TMTC1: variants seen among roughly 807,000 people sequenced by gnomAD.
The protein encoded by TMTC1 is protein O-mannosyl-transferase TMTC1.
TMTC1 carries 73 observed loss-of-function variants against 104.8 expected under a neutral mutation model. The observed-to-expected ratio is 0.70, with a 90% CI of 0.58 to 0.85. The LOEUF (loss-of-function observed/expected upper bound fraction) is 0.85. TMTC1 is among the 40% of genes least tolerant of loss of function. The pLI is 0.00. For synonymous variants in TMTC1, 434 were observed against 428.7 expected, an observed-to-expected ratio of 1.01 and a Z score of -0.15; for missense variants, 1,035 against 1,096.1, an observed-to-expected ratio of 0.94 and a Z score of 0.79.
intron 13 of TMTC1, among the ~76,000 whole-genome samples, chr12:29,517,964 C>T (rs1305091919): frequency 2.0e-5 from 3 of 152,170 alleles, no homozygotes; most frequent in Non-Finnish European, 4.4e-5. Flanking sequence ...ATTCGACCAT[C>T]TTGGCCTCCC....
At chr12:29,752,541 A>G (rs1943117228) in intron 4 of TMTC1, among the ~76,000 whole-genome samples, 1 of 152,240 alleles carries the variant, frequency 6.6e-6, no homozygotes. Flanking sequence ...ACGTATTTGC[A>G]CAAGAATATA....
intron 10 of TMTC1, among the ~76,000 whole-genome samples, chr12:29,545,694 C>A (rs1389856825): frequency 1.4e-5 from 2 of 143,842 alleles, no homozygotes; most frequent in African/African-American, 5.5e-5. Flanking sequence ...AACTAAGCCT[C>A]AGCAAAGTTT....
chr12:29,713,132 A>G (rs1941976943), intron 5 of TMTC1, among the ~76,000 whole-genome samples: 1 of 152,028 alleles, frequency 6.6e-6, no homozygotes. Context: ...CCAGACTGCA[A>G]CGTGGAAATG....
At chr12:29,728,764 CAA>C (rs1942469544) in intron 5 of TMTC1, among the ~76,000 whole-genome samples, 1 of 151,012 alleles carries the variant, frequency 6.6e-6, no homozygotes. Flanking sequence ...TTTGGGAGGC[CAA>C]GGGAGGTGGA....
In TMTC1 at chr12:29,577,895, G is replaced by T. The variant is rs146075080; in HGVS notation, c.1418+5512C>A. On this transcript the variant is annotated intron_variant, in intron 8 of 17. Coordinates refer to ENST00000539277, the MANE Select transcript of TMTC1 (RefSeq NM_001193451.2). Reference sequence around the variant, plus strand: ...AATTTAGTCATATTGGCAAAATCCAGGTAAGCGTATTAGTAATGGCTTTAA... The same window carrying T: ...AATTTAGTCATATTGGCAAAATCCATGTAAGCGTATTAGTAATGGCTTTAA... 3.8e-3 allele frequency among the ~76,000 whole-genome samples: 583 copies of T among 152,108 alleles called. 4 individuals carry two copies. The highest frequency in any genetic ancestry group is 0.013 in the African/African-American group (551 of 41,496).
At chr12:29,570,506 G>C (rs1945637502) in intron 9 of TMTC1, among the ~76,000 whole-genome samples, 1 of 152,122 alleles carries the variant, frequency 6.6e-6, no homozygotes, top group Non-Finnish European at 1.5e-5. Flanking sequence ...TGTAATATTT[G>C]GGAAAATATT....
At position 29,612,211 on chromosome 12, in the gene TMTC1, G is replaced by A. The variant is rs370480155; in HGVS notation, c.1129-7912C>T. Among the ~76,000 whole-genome samples, 127 of 152,246 alleles carry A rather than the reference G, an allele frequency of 8.3e-4. 5 individuals carry two copies. Among genetic ancestry groups the A allele is most frequent in the African/African-American group, 2.5e-3 (102 of 41,562 alleles). ...GGCAGATATGTCCCAGAAACTGGAGGTGGCCAAATGAGACACTGCTGAGGA... is the reference window on the plus strand; with the variant it reads ...GGCAGATATGTCCCAGAAACTGGAGATGGCCAAATGAGACACTGCTGAGGA... On this transcript the variant is annotated intron_variant, in intron 6 of 17. Transcript: ENST00000539277.
Position 29,536,124 on chromosome 12 carries a change from T to G in TMTC1, c.1785+85A>C, listed in dbSNP as rs182602778. On this transcript the variant is annotated intron_variant, in intron 11 of 17. Transcript: ENST00000539277. ...GGTTGTCCAATATGGGTTTACAAATTAAATCATTAGTACAAAAATCTGTGT... is the reference window on the plus strand; with the variant it reads ...GGTTGTCCAATATGGGTTTACAAATGAAATCATTAGTACAAAAATCTGTGT... 1.3e-5 allele frequency: 12 copies of G among 930,268 alleles called. No individual in the cohort carries two copies. In the Admixed American group the frequency reaches 2.3e-4, roughly 18 times the overall value. The allele number at this position is 930,268 out of a possible 1,614,324, so 57.6% of individuals were successfully genotyped here. A position where few individuals can be genotyped will look rare whatever the true frequency, so the allele number is the denominator to read the frequency against.
At chr12:29,507,096 C>T in intron 17 of TMTC1, 110 bp from the exon 18 acceptor site, 1 of 865,268 alleles carries the variant, frequency 1.2e-6, no homozygotes, top group South Asian at 1.6e-5. Context: ...TTAATGTTCT[C>T]ATATGGAAAC....
chr12:29,658,074 C>CA (rs2136630653), intron 5 of TMTC1, among the ~76,000 whole-genome samples: 1 of 152,162 alleles, frequency 6.6e-6, no homozygotes, highest in South Asian at 2.1e-4. Flanking sequence ...CACTGGGAGA[C>CA]AGAGTGAGAC....
intron 5 of TMTC1, among the ~76,000 whole-genome samples, chr12:29,716,670 A>G (rs1942090797): frequency 6.6e-6 from 1 of 150,564 alleles, no homozygotes; most frequent in Admixed American, 6.6e-5. Flanking sequence ...AAAATTCTAC[A>G]AGCCAAATGG....
intron 1 of TMTC1, among the ~76,000 whole-genome samples, chr12:29,780,962 T>C (rs1943821693): frequency 6.6e-6 from 1 of 152,364 alleles, no homozygotes; most frequent in East Asian, 1.9e-4. Flanking sequence ...GTGTTTTCAC[T>C]ATCTAAAATA....
At chr12:29,604,070 G>A in intron 7 of TMTC1, 108 bp downstream of exon 7, 1 of 1,408,356 alleles carries the variant, frequency 7.1e-7, no homozygotes, top group Non-Finnish European at 9.8e-7. Flanking sequence ...AATATCCCTT[G>A]TCCCATGAGG....
intron 1 of TMTC1, among the ~76,000 whole-genome samples, chr12:29,775,114 T>C (rs558519161): frequency 8.6e-4 from 131 of 152,196 alleles, no homozygotes; most frequent in African/African-American, 3.0e-3. Flanking sequence ...ATCTGGAAGG[T>C]AGCAAGTCCC....
rs75521969 is a variant in TMTC1, at chr12:29,737,755, G to T, written c.938+13911C>A. On this transcript the variant is annotated intron_variant, in intron 5 of 17. Transcript: ENST00000539277. ...CCTGGGTCTTCCACTCTCCAGCTGT[G>T]TCCTGCTGAGCGAATGATATGAGCT... 2.5e-4 allele frequency among the ~76,000 whole-genome samples: 38 copies of T among 152,284 alleles called. No individual in the cohort carries two copies. The East Asian group carries it at 7.2e-3, about 29-fold the overall frequency.
chr12:29,764,090 A>G (rs1943411113), intron 2 of TMTC1, among the ~76,000 whole-genome samples: 2 of 152,224 alleles, frequency 1.3e-5, no homozygotes, highest in South Asian at 4.1e-4. Context: ...GCCTCAAACT[A>G]CAGGTTTCCA....
At chr12:29,728,673 C>G (rs553355863) in intron 5 of TMTC1, among the ~76,000 whole-genome samples, 1 of 152,036 alleles carries the variant, frequency 6.6e-6, no homozygotes, top group East Asian at 1.9e-4. Flanking sequence ...AACAACATCC[C>G]CAGAAAATTC....
intron 5 of TMTC1, among the ~76,000 whole-genome samples, chr12:29,718,442 A>G (rs542610660): frequency 2.0e-5 from 3 of 152,302 alleles, no homozygotes; most frequent in East Asian, 1.9e-4. Flanking sequence ...ACTGTCCCCA[A>G]TTCTGCATAA....
At chr12:29,595,923 G>A (rs1946393453) in intron 7 of TMTC1, among the ~76,000 whole-genome samples, 1 of 152,128 alleles carries the variant, frequency 6.6e-6, no homozygotes, top group Non-Finnish European at 1.5e-5. Context: ...TAACATGGAA[G>A]ATACCATATT....
Sources: allele counts gnomAD v4.1 joint callset (sites outside exome capture counted in the v4.1 genomes callset), GRCh38; gene constraint gnomAD v4.1.1; transcripts MANE v1.5; gene names NCBI Gene and HGNC (gene_info 2026-07-23, HGNC 2026-07-21).